Variants in CASS4 observed in about 807,000 individuals in gnomAD.
The protein encoded by CASS4 is Cas scaffold protein family member 4.
In CASS4, 22 loss-of-function variants were observed where a neutral mutation model predicts 54.2. That is an observed-to-expected ratio of 0.41 (90% CI 0.29 to 0.58). The LOEUF (loss-of-function observed/expected upper bound fraction) is 0.58. Ranked by LOEUF, CASS4 falls within the 20% of genes least tolerant of loss-of-function variation. The pLI, the probability that CASS4 is intolerant of heterozygous loss-of-function variation, is 0.36. For missense variants in CASS4, 854 were observed against 986.7 expected, an observed-to-expected ratio of 0.87 and a Z score of 1.80; for synonymous variants, 409 against 391.5, an observed-to-expected ratio of 1.04 and a Z score of -0.53.
chr20:56,437,450 C>T lies in CASS4; in HGVS notation c.323C>T (p.Thr108Ile). The T allele has an allele frequency of 6.2e-7, 1 of 1,613,894 alleles. No individual in the cohort carries two copies. The highest frequency in any genetic ancestry group is 8.5e-7 in the Non-Finnish European group (1 of 1,179,882). The change falls in exon 2 of 6, where the codon ACT becomes ATT. Residue 108 changes from threonine to isoleucine, a missense_variant. Transcript: ENST00000679887. This position sits in a 1 kb window ranked among gnomAD's most constrained non-coding sequence, Gnocchi z 4.7. ...YQVPTLPRPPTPGPVYEQMRS... is the reference protein window; with the variant it reads ...YQVPTLPRPPIPGPVYEQMRS... Reference sequence around the variant, plus strand: ...GTGCCCACTCTACCCCGCCCTCCCACTCCAGGCCCCGTTTATGAGCAGATG... The same window carrying T: ...GTGCCCACTCTACCCCGCCCTCCCATTCCAGGCCCCGTTTATGAGCAGATG...
At chr20:56,422,100 T>C (rs1979442031) in intron 1 of CASS4, among the ~76,000 whole-genome samples, 1 of 152,080 alleles carries the variant, frequency 6.6e-6, no homozygotes, top group Admixed American at 6.5e-5. Context: ...TGAGCAAGGG[T>C]GAAATTGTCA....
At chr20:56,441,554 G>A (rs1360945253) in intron 2 of CASS4, among the ~76,000 whole-genome samples, 3 of 151,956 alleles carry the variant, frequency 2.0e-5, no homozygotes, top group Non-Finnish European at 4.4e-5. Flanking sequence ...GCAGTGAGCC[G>A]AGATCACGCC....
chr20:56,450,938 G>A (rs561677276), intron 4 of CASS4, among the ~76,000 whole-genome samples: 3 of 152,042 alleles, frequency 2.0e-5, no homozygotes, highest in African/African-American at 7.2e-5. Context: ...GGAGGCTGAG[G>A]TGGGCAGATC....
At chr20:56,456,362 C>T (rs1357789017) in intron 5 of CASS4, among the ~76,000 whole-genome samples, 1 of 145,720 alleles carries the variant, frequency 6.9e-6, no homozygotes, top group Non-Finnish European at 1.5e-5. Context: ...CATTACTTCT[C>T]GTTATTTCTA....
intron 5 of CASS4, among the ~76,000 whole-genome samples, chr20:56,457,430 A>T (rs1016001457): frequency 1.3e-5 from 2 of 152,204 alleles, no homozygotes; most frequent in African/African-American, 4.8e-5. Flanking sequence ...CTTTGAGAGT[A>T]TGTAGGATTT....
intron 2 of CASS4, among the ~76,000 whole-genome samples, chr20:56,441,284 G>C (rs1159116579): frequency 6.6e-6 from 1 of 151,618 alleles, no homozygotes; most frequent in Admixed American, 6.6e-5. Context: ...GTGAGCTACT[G>C]TGCCCAGCCT....
chr20:56,414,243 GTGTT>G lies in CASS4; in HGVS notation c.36+1753_36+1756del, dbSNP rs1979023077. Among the ~76,000 whole-genome samples the G allele has an allele frequency of 1.3e-5, 2 of 152,126 alleles. No homozygotes were observed. Among genetic ancestry groups the G allele is most frequent in the South Asian group, 4.1e-4 (2 of 4,824 alleles). Reference sequence around the variant, plus strand: ...TTTCTGGCTGTTGTTGTTTGTGTGTGTGTTTGTCTTTCTGATCCAGGTGGTGTTT... The same window carrying G: ...TTTCTGGCTGTTGTTGTTTGTGTGTGTGTCTTTCTGATCCAGGTGGTGTTT... On this transcript the variant is annotated intron_variant, in intron 1 of 5. Coordinates refer to ENST00000679887, the MANE Select transcript of CASS4 (RefSeq NM_020356.4). The surrounding 1 kb of genome is among the most constrained non-coding windows in gnomAD (Gnocchi z 4.1).
chr20:56,421,554 G>A (rs1201822750), intron 1 of CASS4, among the ~76,000 whole-genome samples: 1 of 152,120 alleles, frequency 6.6e-6, no homozygotes, highest in Non-Finnish European at 1.5e-5. Context: ...AAAGTAGCTG[G>A]GTTTGGTGGC....
Position 56,453,076 on chromosome 20 carries a change from G to A in CASS4, c.1900G>A (p.Asp634Asn), listed in dbSNP as rs1462729986. Residue 634 changes from aspartate to asparagine, a missense_variant, in exon 5 of 6, where the codon GAT becomes AAT. By Grantham distance (23) the Asp-to-Asn change is conservative (BLOSUM62 1). Transcript: ENST00000679887. ...TACCCCTTCCACTAAGCAAAGGGAA[G>A]ATGAACACTCTTCTGAACTATTAAA... ...KSTPSTKQRE[D>N]EHSSELLKKN... is the part of the protein sequence containing the mutation. 3 of 1,613,998 alleles carry A rather than the reference G, an allele frequency of 1.9e-6. No individual in the cohort carries two copies. Among genetic ancestry groups the A allele is most frequent in the African/African-American group, 1.3e-5 (1 of 74,922 alleles).
At chr20:56,416,311 A>G (rs1282019147) in intron 1 of CASS4, among the ~76,000 whole-genome samples, 1 of 152,186 alleles carries the variant, frequency 6.6e-6, no homozygotes, top group Admixed American at 6.5e-5. Context: ...CAGCCTCCCA[A>G]AGTGCTGGGA....
chr20:56,428,763 A>C (rs527320120), intron 1 of CASS4, among the ~76,000 whole-genome samples: 14 of 152,218 alleles, frequency 9.2e-5, no homozygotes, highest in Non-Finnish European at 2.1e-4. Context: ...GGCCGTGCAG[A>C]GTATTGGCAA....
intron 3 of CASS4, among the ~76,000 whole-genome samples, chr20:56,448,448 T>C (rs982531769): frequency 2.0e-5 from 3 of 152,112 alleles, no homozygotes; most frequent in African/African-American, 7.2e-5. Context: ...TCTTTTCAAC[T>C]TTCCCAAGCC....
chr20:56,434,750 T>C (rs2146278519), intron 1 of CASS4, among the ~76,000 whole-genome samples: 1 of 152,192 alleles, frequency 6.6e-6, no homozygotes, highest in East Asian at 1.9e-4. Context: ...GGTCCCACAA[T>C]TTATTTTTAA....
chr20:56,436,988 C>A (rs1285438847), intron 1 of CASS4, among the ~76,000 whole-genome samples, 176 bp from the exon 2 acceptor site: 1 of 152,112 alleles, frequency 6.6e-6, no homozygotes, highest in East Asian at 1.9e-4. Flanking sequence ...TTCACTTAGA[C>A]CCCAAGGATG....
chr20:56,458,800 A>T lies in CASS4; in HGVS notation c.*53A>T, dbSNP rs4811697. The T allele has an allele frequency of 2.0e-6, 3 of 1,482,782 alleles. No homozygotes were observed. The highest frequency in any genetic ancestry group is 2.8e-5 in the African/African-American group (2 of 71,920). 91.9% of individuals were successfully genotyped at this position (1,482,782 alleles called of 1,614,324 possible). On this transcript the variant is annotated 3_prime_UTR_variant, in exon 6 of 6. Transcript: ENST00000679887. ...CTCACCTCTCAGCTTCACACCCACAACTTGTGCAACTCTGCCCTATGGGAA... is the reference window on the plus strand; with the variant it reads ...CTCACCTCTCAGCTTCACACCCACATCTTGTGCAACTCTGCCCTATGGGAA...
chr20:56,426,589 C>T (rs939966278), intron 1 of CASS4, among the ~76,000 whole-genome samples: 17 of 151,996 alleles, frequency 1.1e-4, no homozygotes, highest in African/African-American at 4.1e-4. Context: ...TCCCCCTCCC[C>T]CGCCAAGACA....
At chr20:56,450,172 C>T (rs1367312868) in intron 3 of CASS4, among the ~76,000 whole-genome samples, 1 of 152,096 alleles carries the variant, frequency 6.6e-6, no homozygotes, top group Non-Finnish European at 1.5e-5. Context: ...GCTGGGATTA[C>T]AGTCATGCGC....
chr20:56,451,761 C>A, intron 4 of CASS4, 58 bp from the exon 5 acceptor site: 1 of 1,276,126 alleles, frequency 7.8e-7, no homozygotes, highest in Non-Finnish European at 1.1e-6. Flanking sequence ...TTAAACAACG[C>A]ACTCGCGCCC....
chr20:56,433,078 C>T (rs111295377), intron 1 of CASS4, among the ~76,000 whole-genome samples: 1 of 152,368 alleles, frequency 6.6e-6, no homozygotes, highest in African/African-American at 2.4e-5. Flanking sequence ...GATCATGGGA[C>T]GCAGTCCAGA....
Sources: gnomAD v4.1 joint callset for allele counts (sites outside exome capture counted in the v4.1 genomes callset) on GRCh38, gnomAD v4.1.1 for gene constraint, Gnocchi (gnomAD v3.1) non-coding constraint, MANE v1.5 for transcripts, NCBI Gene and HGNC (gene_info 2026-07-23, HGNC 2026-07-21) for gene names.